FGF14: variants seen among roughly 807,000 people sequenced by gnomAD.
FGF14 encodes fibroblast growth factor 14.
Under a neutral mutation model 25.5 loss-of-function variants are expected in FGF14, and 5 were observed. The ratio of observed to expected loss-of-function variants is 0.20; its 90% confidence interval spans 0.10 to 0.41. The LOEUF (loss-of-function observed/expected upper bound fraction) is 0.41, where lower values mean the gene tolerates loss of function less well. Ranked by LOEUF, FGF14 falls within the 10% of genes least tolerant of loss-of-function variation. The pLI, the probability that FGF14 is intolerant of heterozygous loss-of-function variation, is 1.00. For missense variants in FGF14, 222 were observed against 320.1 expected (o/e 0.69, Z 2.34); for synonymous variants, 138 against 118.3 (o/e 1.17, Z -1.08).
At chr13:102,161,620 AAGAAGAAGAAG>A (rs2047697495) in intron 1 of FGF14, among the ~76,000 whole-genome samples, 12 of 5,856 alleles carry the variant, frequency 2.0e-3, no homozygotes, top group Admixed American at 3.9e-3. Flanking sequence ...GAAGAAGAAG[AAGAAGAAGAAG>A]AAGAAGAAGA....
At chr13:102,189,025 GAAAAGAAAGAAAGAAA>G (rs2049011460) in intron 1 of FGF14, among the ~76,000 whole-genome samples, 1 of 68,798 alleles carries the variant, frequency 1.5e-5, no homozygotes, top group Non-Finnish European at 2.9e-5. Flanking sequence ...AATGAAAGAA[GAAAAGAAAGAAAGAAA>G]GAGAAAGAAT....
chr13:102,327,591 T>C lies in FGF14; in HGVS notation c.208+73880A>G, dbSNP rs2056495736. On this transcript the variant is annotated intron_variant, in intron 1 of 4. Transcript: ENST00000376131. ...GGTTCACACCAATAATTCCAGCACTTTGGGATGCTAAGGCAGGAAGATCAC... is the reference window on the plus strand; with the variant it reads ...GGTTCACACCAATAATTCCAGCACTCTGGGATGCTAAGGCAGGAAGATCAC... Among the ~76,000 whole-genome samples the C allele has an allele frequency of 2.0e-5, 3 of 152,160 alleles. No individual in the cohort carries two copies. In the South Asian group the frequency reaches 6.2e-4, roughly 31 times the overall value.
intron 1 of FGF14, among the ~76,000 whole-genome samples, chr13:102,047,326 G>T (rs1010443832): frequency 4.6e-5 from 7 of 151,838 alleles, no homozygotes; most frequent in Admixed American, 2.6e-4. Flanking sequence ...AGAATAATAA[G>T]AATAATAATG....
chr13:101,995,677 C>T (rs1387131119), intron 1 of FGF14, among the ~76,000 whole-genome samples: 1 of 152,182 alleles, frequency 6.6e-6, no homozygotes, highest in Non-Finnish European at 1.5e-5. Flanking sequence ...AGCGAAGCTA[C>T]TGTGCCACAG....
chr13:102,253,856 T>C (rs1305707355), intron 1 of FGF14, among the ~76,000 whole-genome samples: 1 of 152,228 alleles, frequency 6.6e-6, no homozygotes, highest in Non-Finnish European at 1.5e-5. Flanking sequence ...TTAAATGCTA[T>C]ATAAGCCTCT....
intron 1 of FGF14, among the ~76,000 whole-genome samples, chr13:101,956,333 T>C (rs982050592): frequency 6.6e-6 from 1 of 152,218 alleles, no homozygotes; most frequent in Non-Finnish European, 1.5e-5. Context: ...CGTATTATCA[T>C]GTAACTCCTC....
intron 1 of FGF14, among the ~76,000 whole-genome samples, chr13:101,985,213 A>C (rs939346470): frequency 9.2e-5 from 14 of 152,006 alleles, no homozygotes; most frequent in African/African-American, 2.9e-4. Flanking sequence ...TTAACCCTGC[A>C]TGGAAGCTTA....
chr13:101,945,655 C>CT (rs1191423249), intron 1 of FGF14, among the ~76,000 whole-genome samples: 1 of 152,210 alleles, frequency 6.6e-6, no homozygotes, highest in Non-Finnish European at 1.5e-5. Flanking sequence ...TGTTTCCCTT[C>CT]TGCCTTCCTT....
chr13:101,904,268 C>T (rs970041705), intron 1 of FGF14, among the ~76,000 whole-genome samples: 2 of 152,002 alleles, frequency 1.3e-5, no homozygotes, highest in African/African-American at 4.8e-5. Context: ...TTTTTGTGGA[C>T]CTTTGGGCTC....
At chr13:102,098,892 A>T (rs966824844) in intron 1 of FGF14, among the ~76,000 whole-genome samples, 1 of 152,260 alleles carries the variant, frequency 6.6e-6, no homozygotes, top group African/African-American at 2.4e-5. Context: ...CACCCCAAGA[A>T]GAGAAAACAG....
intron 1 of FGF14, among the ~76,000 whole-genome samples, chr13:102,258,910 G>C (rs1481300386): frequency 6.6e-6 from 1 of 152,142 alleles, no homozygotes; most frequent in Non-Finnish European, 1.5e-5. Context: ...TGTGATCCAT[G>C]GTTGGACTTC....
intron 3 of FGF14, among the ~76,000 whole-genome samples, chr13:101,834,288 ATTG>A (rs1341004853): frequency 6.6e-6 from 1 of 152,032 alleles, no homozygotes; most frequent in South Asian, 2.1e-4. Flanking sequence ...GCATCAAAAC[ATTG>A]TTGTAATCTA....
At chr13:102,033,410 G>C (rs1381608011) in intron 1 of FGF14, among the ~76,000 whole-genome samples, 2 of 152,116 alleles carry the variant, frequency 1.3e-5, no homozygotes, top group East Asian at 3.9e-4. Flanking sequence ...ATTCCTGGGA[G>C]AAAAAGAAGC....
chr13:101,970,201 C>G (rs1283741613), intron 1 of FGF14, among the ~76,000 whole-genome samples: 2 of 152,224 alleles, frequency 1.3e-5, no homozygotes, highest in African/African-American at 2.4e-5. Context: ...CACAGGAGAT[C>G]TAGACCTTGT....
intron 1 of FGF14, among the ~76,000 whole-genome samples, chr13:102,353,453 G>A (rs955660862): frequency 9.9e-5 from 15 of 152,164 alleles, no homozygotes; most frequent in African/African-American, 3.6e-4. Flanking sequence ...TTCTGACATA[G>A]ATACCCAACT....
intron 1 of FGF14, among the ~76,000 whole-genome samples, chr13:102,280,600 A>C (rs534838271): frequency 1.2e-3 from 177 of 152,316 alleles, no homozygotes; most frequent in African/African-American, 4.2e-3. Context: ...CAGCTGAATG[A>C]GTGTTTGGTT....
chr13:102,213,338 A>G (rs1339930802), intron 1 of FGF14, among the ~76,000 whole-genome samples: 2 of 152,246 alleles, frequency 1.3e-5, no homozygotes, highest in African/African-American at 2.4e-5. Flanking sequence ...AACTTTAAAA[A>G]TAACATAATT....
At chr13:102,024,982 TAC>T (rs1202959263) in intron 1 of FGF14, among the ~76,000 whole-genome samples, 2 of 150,840 alleles carry the variant, frequency 1.3e-5, no homozygotes, top group Non-Finnish European at 2.9e-5. Context: ...TTTATATATA[TAC>T]ACACACACAT....
intron 1 of FGF14, among the ~76,000 whole-genome samples, chr13:102,137,807 T>C (rs915482446): frequency 2.0e-5 from 3 of 151,606 alleles, no homozygotes; most frequent in African/African-American, 7.3e-5. Flanking sequence ...ATCCTTCAAG[T>C]GGGTAAGGCT....
Sources: allele counts gnomAD v4.1 joint callset (sites outside exome capture counted in the v4.1 genomes callset), GRCh38; gene constraint gnomAD v4.1.1; transcripts MANE v1.5; gene names NCBI Gene and HGNC (gene_info 2026-07-23, HGNC 2026-07-21).